NPSR1: variants seen among roughly 807,000 people sequenced by gnomAD.
The protein encoded by NPSR1 is neuropeptide S receptor 1, also known as neuropeptide S receptor.
In NPSR1, 48 loss-of-function variants were observed where a neutral mutation model predicts 46.9. The ratio of observed to expected loss-of-function variants is 1.02; its 90% CI spans 0.81 to 1.30. NPSR1 has a LOEUF of 1.30. NPSR1 is among the 50% of genes most tolerant of loss of function. The pLI is 0.00. For synonymous variants in NPSR1, 176 were observed against 168.1 expected (o/e 1.05, Z -0.36); for missense variants, 450 against 449.5 (o/e 1.00, Z -0.01).
intron 2 of NPSR1, among the ~76,000 whole-genome samples, chr7:34,692,555 C>T (rs898083770): frequency 6.6e-6 from 1 of 151,998 alleles, no homozygotes; most frequent in East Asian, 1.9e-4. Context: ...GAAAACAGTT[C>T]TAAGAGAAAA....
chr7:34,758,717 T>C (rs1440417100), intron 2 of NPSR1, among the ~76,000 whole-genome samples: 2 of 152,220 alleles, frequency 1.3e-5, no homozygotes, highest in Non-Finnish European at 2.9e-5. Context: ...ATTTCCTCTA[T>C]CAGTCTATCT....
At chr7:34,695,374 G>A (rs1793466917) in intron 2 of NPSR1, among the ~76,000 whole-genome samples, 1 of 151,858 alleles carries the variant, frequency 6.6e-6, no homozygotes, top group South Asian at 2.1e-4. Context: ...AAAAACCTGG[G>A]AAAACTCTAC....
intron 2 of NPSR1, among the ~76,000 whole-genome samples, chr7:34,687,500 T>A (rs1792996743): frequency 6.6e-6 from 1 of 152,128 alleles, no homozygotes; most frequent in African/African-American, 2.4e-5. Context: ...GGTACCTTCT[T>A]CACAAGGCAG....
intron 2 of NPSR1, among the ~76,000 whole-genome samples, chr7:34,716,330 T>C (rs548510362): frequency 6.6e-6 from 1 of 152,284 alleles, no homozygotes; most frequent in South Asian, 2.1e-4. Context: ...GACACTATAC[T>C]TGGTGCCATG....
At chr7:34,821,912 C>T (rs1262458938) in intron 4 of NPSR1, among the ~76,000 whole-genome samples, 1 of 152,182 alleles carries the variant, frequency 6.6e-6, no homozygotes, top group African/African-American at 2.4e-5. Context: ...TAGCCAGCTG[C>T]CTTCCTCTGC....
intron 8 of NPSR1, among the ~76,000 whole-genome samples, chr7:34,858,302 A>G (rs570782655): frequency 5.3e-5 from 8 of 151,852 alleles, no homozygotes; most frequent in Non-Finnish European, 1.0e-4. Context: ...TATTAGCAGT[A>G]GAATAGATAA....
chr7:34,790,966 T>TATATATC (rs1491488398), intron 3 of NPSR1, among the ~76,000 whole-genome samples: 5,163 of 75,888 alleles, frequency 0.068, 828 homozygotes, highest in African/African-American at 0.2. Context: ...TATGTTATAT[T>TATATATC]ATATATGTTA....
At chr7:34,664,736 G>T (rs1791654039) in intron 1 of NPSR1, among the ~76,000 whole-genome samples, 1 of 151,960 alleles carries the variant, frequency 6.6e-6, no homozygotes, top group Non-Finnish European at 1.5e-5. Flanking sequence ...AAACTTAATG[G>T]CCCACTACAT....
chr7:34,681,660 C>T (rs893232616), intron 1 of NPSR1, among the ~76,000 whole-genome samples: 1 of 152,092 alleles, frequency 6.6e-6, no homozygotes, highest in African/African-American at 2.4e-5. Flanking sequence ...CATGGGGTTG[C>T]GGAAGTAGAT....
chr7:34,739,407 T>A (rs1321554626), intron 2 of NPSR1, among the ~76,000 whole-genome samples: 1 of 152,216 alleles, frequency 6.6e-6, no homozygotes, highest in Non-Finnish European at 1.5e-5. Flanking sequence ...CACTTGTTAT[T>A]TTCCTTTTTT....
intron 2 of NPSR1, among the ~76,000 whole-genome samples, chr7:34,717,938 T>G (rs748226430): frequency 1.8e-4 from 28 of 152,314 alleles, no homozygotes; most frequent in Admixed American, 3.9e-4. Context: ...AAAATGCCAC[T>G]GTGACCCTTC....
intron 3 of NPSR1, among the ~76,000 whole-genome samples, chr7:34,802,239 A>G (rs1212269855): frequency 6.6e-6 from 1 of 150,408 alleles, no homozygotes; most frequent in Non-Finnish European, 1.5e-5. Context: ...TGGAACCAAA[A>G]AAGAGCTCAC....
chr7:34,757,978 G>A (rs1785955327), intron 2 of NPSR1: 1 of 152,734 alleles, frequency 6.5e-6, no homozygotes, highest in South Asian at 2.1e-4. Context: ...AGCAGAAGAG[G>A]AGAGTGGTGA....
chr7:34,751,919 C>T lies in NPSR1; in HGVS notation c.281-26543C>T. 3.5e-6 allele frequency: 5 copies of T among 1,419,324 alleles called. No homozygotes were observed. The South Asian group carries it at 4.7e-5, about 13-fold the overall frequency. The allele number at this position is 1,419,324 out of a possible 1,614,324, so 87.9% of individuals were successfully genotyped here. ...GGACCGTCTCCCGCAGTCACTCAAA[C>T]AACTTGTGTTCCTGAGGCAACTGGA... is the stretch of plus-strand genomic sequence containing the variant. On this transcript the variant is annotated intron_variant, in intron 2 of 8. Transcript: ENST00000360581.
At chr7:34,697,671 TTG>T (rs1273014386) in intron 2 of NPSR1, among the ~76,000 whole-genome samples, 1 of 151,840 alleles carries the variant, frequency 6.6e-6, no homozygotes, top group Non-Finnish European at 1.5e-5. Context: ...CATTTTATTA[TTG>T]TATTGTTATT....
At chr7:34,776,899 T>G (rs1786986475) in intron 2 of NPSR1, among the ~76,000 whole-genome samples, 1 of 152,160 alleles carries the variant, frequency 6.6e-6, no homozygotes, top group South Asian at 2.1e-4. Context: ...CAGAGCTGAC[T>G]AGTGCCCTCT....
chr7:34,872,572 G>C (rs1451621630), intron 8 of NPSR1, among the ~76,000 whole-genome samples: 1 of 151,780 alleles, frequency 6.6e-6, no homozygotes, highest in Non-Finnish European at 1.5e-5. Context: ...CCCAAGACTG[G>C]GTGATCTATT....
At chr7:34,700,355 A>G (rs189377692) in intron 2 of NPSR1, among the ~76,000 whole-genome samples, 1 of 152,204 alleles carries the variant, frequency 6.6e-6, no homozygotes, top group African/African-American at 2.4e-5. Flanking sequence ...GTCACTAGCA[A>G]ACATGGCCAC....
At chr7:34,721,862 A>C (rs930935068) in intron 2 of NPSR1, among the ~76,000 whole-genome samples, 1 of 152,246 alleles carries the variant, frequency 6.6e-6, no homozygotes, top group African/African-American at 2.4e-5. Flanking sequence ...TAAAGTCCTA[A>C]GACTAAAGAA....
Sources: allele counts gnomAD v4.1 joint callset (sites outside exome capture counted in the v4.1 genomes callset), GRCh38; gene constraint gnomAD v4.1.1; transcripts MANE v1.5; gene names NCBI Gene and HGNC (gene_info 2026-07-23, HGNC 2026-07-21).